The following DLGAP2 variants were observed in gnomAD, a reference collection of about 807,000 sequenced individuals.
The protein encoded by DLGAP2 is disks large-associated protein 2.
In DLGAP2, 26 loss-of-function variants were observed where a neutral mutation model predicts 100.3. That is an observed-to-expected ratio of 0.26 (90% CI 0.19 to 0.36). The LOEUF (loss-of-function observed/expected upper bound fraction) is 0.36, where lower values mean the gene tolerates loss of function less well. Ranked by LOEUF, DLGAP2 falls within the 10% of genes least tolerant of loss-of-function variation. The pLI is 1.00. For synonymous variants in DLGAP2, 886 were observed against 630.1 expected (o/e 1.41, Z -6.08); for missense variants, 1,858 against 1,453.2 (o/e 1.28, Z -4.53).
intron 2 of DLGAP2, among the ~76,000 whole-genome samples, chr8:1,235,275 A>G (rs1471347973): frequency 1.0e-4 from 15 of 146,270 alleles, no homozygotes; most frequent in Admixed American, 7.5e-4. Context: ...TCTCTCTCAC[A>G]TGGCGTCGTG....
At chr8:1,599,831 C>T (rs542029719) in intron 6 of DLGAP2, among the ~76,000 whole-genome samples, 13 of 152,212 alleles carry the variant, frequency 8.5e-5, no homozygotes, top group South Asian at 8.3e-4. Context: ...ATCCAATTTG[C>T]CAGTTTGTGT....
intron 1 of DLGAP2, among the ~76,000 whole-genome samples, chr8:788,188 TC>T (rs1296071897): frequency 6.6e-6 from 1 of 152,230 alleles, no homozygotes; most frequent in East Asian, 1.9e-4. Flanking sequence ...GGTACGTCGC[TC>T]CCAAATCATG....
At chr8:1,433,926 G>A (rs138794568) in intron 3 of DLGAP2, among the ~76,000 whole-genome samples, 210 of 152,156 alleles carry the variant, frequency 1.4e-3, no homozygotes, top group African/African-American at 4.9e-3. Flanking sequence ...CTCAGAAACC[G>A]AGAATAACAC....
chr8:948,944 A>T (rs561794723), intron 2 of DLGAP2, among the ~76,000 whole-genome samples: 1 of 132,192 alleles, frequency 7.6e-6, no homozygotes, highest in Admixed American at 7.4e-5. Context: ...CGCCAGGGTG[A>T]GAGCAGGGCC....
chr8:1,598,412 T>C (rs1230060892), intron 6 of DLGAP2, among the ~76,000 whole-genome samples: 1 of 152,218 alleles, frequency 6.6e-6, no homozygotes, highest in African/African-American at 2.4e-5. Flanking sequence ...TCTTTTTCTA[T>C]TGTTTGGAAT....
At chr8:1,261,782 T>G (rs1405370697) in intron 3 of DLGAP2, among the ~76,000 whole-genome samples, 1 of 152,230 alleles carries the variant, frequency 6.6e-6, no homozygotes, top group Non-Finnish European at 1.5e-5. Flanking sequence ...ATTTAAGTAA[T>G]TAGTCTAAGT....
intron 2 of DLGAP2, among the ~76,000 whole-genome samples, chr8:1,176,085 A>T (rs1797248372): frequency 6.6e-6 from 1 of 152,196 alleles, no homozygotes; most frequent in Non-Finnish European, 1.5e-5. Context: ...TGGGTAATTT[A>T]TAAACAAAAG....
chr8:1,694,500 T>G (rs1298396820), intron 13 of DLGAP2, among the ~76,000 whole-genome samples: 1 of 152,116 alleles, frequency 6.6e-6, no homozygotes. Flanking sequence ...GCAGGTGGCT[T>G]GTGACACAAC....
chr8:1,514,615 G>A (rs555671731), intron 4 of DLGAP2, among the ~76,000 whole-genome samples: 1 of 152,206 alleles, frequency 6.6e-6, no homozygotes, highest in Non-Finnish European at 1.5e-5. Context: ...AGAGAACTTT[G>A]CTTATACTCA....
intron 5 of DLGAP2, among the ~76,000 whole-genome samples, chr8:1,553,198 C>T (rs921925704): frequency 1.3e-5 from 2 of 152,184 alleles, no homozygotes; most frequent in Admixed American, 6.5e-5. Flanking sequence ...GCCTCCTTCC[C>T]TCCTGTCCTC....
intron 10 of DLGAP2, among the ~76,000 whole-genome samples, chr8:1,671,548 C>G (rs560108798): frequency 2.6e-4 from 39 of 152,322 alleles, no homozygotes; most frequent in African/African-American, 9.4e-4. Flanking sequence ...GGGGTCCTGT[C>G]CCACAATGCA....
chr8:999,570 G>C (rs1214336440), intron 2 of DLGAP2, among the ~76,000 whole-genome samples: 1 of 150,016 alleles, frequency 6.7e-6, no homozygotes, highest in Admixed American at 6.7e-5. Context: ...ACTCCACCTT[G>C]TAGGCTCAAG....
intron 2 of DLGAP2, among the ~76,000 whole-genome samples, chr8:1,166,495 C>G (rs1797018701): frequency 6.6e-6 from 1 of 152,194 alleles, no homozygotes; most frequent in African/African-American, 2.4e-5. Flanking sequence ...TGATTTTTCT[C>G]CTCCTTTTCA....
chr8:1,533,453 C>T (rs957142166), intron 4 of DLGAP2, among the ~76,000 whole-genome samples: 7 of 151,838 alleles, frequency 4.6e-5, no homozygotes, highest in African/African-American at 1.5e-4. Flanking sequence ...TTGCAGTGAG[C>T]CGAGATCGCG....
rs185041979 is a variant in DLGAP2 at position 1,317,602 on chromosome 8, C to G, written c.106+58719C>G. On this transcript the variant is annotated intron_variant, in intron 3 of 14. Transcript: ENST00000637795. ...GCAGCGTTTAAAAATACAGGCTGTG[C>G]GAGTGCAGCGTCTCTCCAACAGTGG... Among the ~76,000 whole-genome samples, 4 of 136,580 alleles carry G rather than the reference C, an allele frequency of 2.9e-5. No homozygotes were observed. In the East Asian group the frequency reaches 9.1e-4, roughly 31 times the overall value. 89.6% of individuals were successfully genotyped at this position (136,580 alleles called of 152,430 possible). A position where few individuals can be genotyped will look rare whatever the true frequency, so the allele number is the denominator to read the frequency against.
chr8:1,345,596 G>T (rs1162830802), intron 3 of DLGAP2, among the ~76,000 whole-genome samples: 1 of 152,182 alleles, frequency 6.6e-6, no homozygotes, highest in African/African-American at 2.4e-5. Flanking sequence ...TTCCTTGGTT[G>T]TCATAGTCCT....
chr8:1,287,056 A>C (rs1391025920), intron 3 of DLGAP2, among the ~76,000 whole-genome samples: 1 of 152,164 alleles, frequency 6.6e-6, no homozygotes, highest in Non-Finnish European at 1.5e-5. Flanking sequence ...GTGTGTGTAC[A>C]TGGTTCTATT....
intron 2 of DLGAP2, chr8:1,018,993 T>C (rs1446266807): frequency 6.6e-6 from 1 of 152,126 alleles, no homozygotes; most frequent in Admixed American, 6.5e-5. Context: ...CGGGCGCTTG[T>C]CCACTCGTCT....
chr8:926,594 G>A (rs753320655), intron 2 of DLGAP2, among the ~76,000 whole-genome samples: 6 of 152,242 alleles, frequency 3.9e-5, no homozygotes, highest in Non-Finnish European at 5.9e-5. Context: ...GGAGGAGAGC[G>A]GCAGGTTTCA....
Sources: gnomAD v4.1 joint callset for allele counts (sites outside exome capture counted in the v4.1 genomes callset) on GRCh38, gnomAD v4.1.1 for gene constraint, MANE v1.5 for transcripts, NCBI Gene and HGNC (gene_info 2026-07-23, HGNC 2026-07-21) for gene names.